Variants in SLC6A5 observed in about 807,000 individuals in gnomAD.
The protein encoded by SLC6A5 is sodium- and chloride-dependent glycine transporter 2.
SLC6A5 carries 58 observed loss-of-function variants against 90.5 expected under a neutral mutation model. The observed-to-expected ratio is 0.64, with a 90% CI of 0.52 to 0.80. The LOEUF is 0.80. Among genes scored for constraint, SLC6A5 ranks in the 30% least tolerant of loss-of-function variants. The pLI, the probability that SLC6A5 is intolerant of heterozygous loss-of-function variation, is 0.00. For synonymous variants in SLC6A5, 427 were observed against 401.4 expected (o/e 1.06, Z -0.76); for missense variants, 1,015 against 1,017.6 (o/e 1.00, Z 0.03).
Position 20,655,028 on chromosome 11 carries a change from C to G in SLC6A5, c.*160C>G, listed in dbSNP as rs149535690. ...TTATGTAGAAAAGTAGGCATAGTGT[C>G]GCATGCTGCAGTAAAGAGCTACATA... is the stretch of plus-strand genomic sequence containing the variant. On this transcript the variant is annotated 3_prime_UTR_variant, in exon 16 of 16. Transcript: ENST00000525748. 3 of 814,470 alleles carry G rather than the reference C, an allele frequency of 3.7e-6. No individual in the cohort carries two copies. The African/African-American group carries it at 5.0e-5, about 14-fold the overall frequency. The allele number at this position is 814,470 out of a possible 1,614,324, so 50.5% of individuals were successfully genotyped here. A position where few individuals can be genotyped will look rare whatever the true frequency, so the allele number is the denominator to read the frequency against.
intron 13 of SLC6A5, among the ~76,000 whole-genome samples, chr11:20,638,992 T>G (rs1462094961): frequency 4.6e-5 from 7 of 152,162 alleles, no homozygotes; most frequent in African/African-American, 1.7e-4. Context: ...CAGAGACCAC[T>G]CAGCTCACAG....
chr11:20,637,719 C>T (rs78324632), intron 12 of SLC6A5, among the ~76,000 whole-genome samples: 17,396 of 152,054 alleles, frequency 0.11, 1,062 homozygotes, highest in Non-Finnish European at 0.15. Context: ...TGGGACCCTG[C>T]CTCTAAAAAG....
intron 1 of SLC6A5, among the ~76,000 whole-genome samples, chr11:20,600,380 AG>A: frequency 6.7e-6 from 1 of 150,258 alleles, no homozygotes; most frequent in African/African-American, 2.5e-5. Context: ...AAGAAGAAGA[AG>A]AAGAAGAAGA....
chr11:20,614,531 C>A, intron 5 of SLC6A5, 148 bp from the exon 6 acceptor site: 2 of 745,120 alleles, frequency 2.7e-6, no homozygotes, highest in Non-Finnish European at 4.6e-6. Context: ...CTTAATATAT[C>A]TGGCTTTGCC....
In SLC6A5 at chr11:20,639,247, G is replaced by A. The variant is rs185033890; in HGVS notation, c.1969+689G>A. Among the ~76,000 whole-genome samples, 472 of 152,102 alleles carry A rather than the reference G, an allele frequency of 3.1e-3. 3 individuals are homozygous for A. Among genetic ancestry groups the A allele is most frequent in the African/African-American group, 0.011 (455 of 41,470 alleles). On this transcript the variant is annotated intron_variant, in intron 13 of 15. Transcript: ENST00000525748. ...CTCCTGGTCCCTTGTATGCACTGTC[G>A]GTGAGTTCAAGAAAGTCCTATTTGA...
chr11:20,647,029 A>G, intron 14 of SLC6A5, 95 bp downstream of exon 14: 1 of 881,012 alleles, frequency 1.1e-6, no homozygotes, highest in Admixed American at 1.7e-5. Flanking sequence ...ACATTTGAAC[A>G]GTGTGTGAGC....
At position 20,657,160 on chromosome 11, in the gene SLC6A5, T is replaced by C. The variant is rs984838149; in HGVS notation, c.*2292T>C. On this transcript the variant is annotated 3_prime_UTR_variant, in exon 16 of 16. Coordinates refer to ENST00000525748, the MANE Select transcript of SLC6A5 (RefSeq NM_004211.5). Reference sequence around the variant, plus strand: ...GATTGAGCCAATGGTTGCAGTCTGATGCTGGACGCCAACCCAATTTCTGCT... The same window carrying C: ...GATTGAGCCAATGGTTGCAGTCTGACGCTGGACGCCAACCCAATTTCTGCT... 3.3e-5 allele frequency: 5 copies of C among 151,322 alleles called. No homozygotes were observed. Among genetic ancestry groups the C allele is most frequent in the Non-Finnish European group, 7.4e-5 (5 of 67,980 alleles). 9.4% of individuals were successfully genotyped at this position (151,322 alleles called of 1,614,324 possible).
At chr11:20,648,609 C>G (rs1442101450) in intron 14 of SLC6A5, among the ~76,000 whole-genome samples, 1 of 152,170 alleles carries the variant, frequency 6.6e-6, no homozygotes, top group African/African-American at 2.4e-5. Flanking sequence ...CATCTGCGAA[C>G]AGACAGACTC....
intron 10 of SLC6A5, among the ~76,000 whole-genome samples, chr11:20,632,136 G>A (rs1450951635): frequency 3.9e-5 from 6 of 152,130 alleles, no homozygotes; most frequent in African/African-American, 7.2e-5. Context: ...GAGGGTAAAC[G>A]GGTTTTGTCC....
Position 20,655,302 on chromosome 11 carries a change from T to C in SLC6A5, c.*434T>C, listed in dbSNP as rs1853622816. Reference sequence around the variant, plus strand: ...GAACTGAGCAATGTGGTGATCTTGTTCAGACACACAAAGTTCAAGACAGGT... The same window carrying C: ...GAACTGAGCAATGTGGTGATCTTGTCCAGACACACAAAGTTCAAGACAGGT... On this transcript the variant is annotated 3_prime_UTR_variant, in exon 16 of 16. Coordinates refer to ENST00000525748, the MANE Select transcript of SLC6A5 (RefSeq NM_004211.5). The C allele has an allele frequency of 4.2e-6, 1 of 238,194 alleles. No individual in the cohort carries two copies. Among genetic ancestry groups the C allele is most frequent in the African/African-American group, 2.2e-5 (1 of 44,706 alleles). The allele number at this position is 238,194 out of a possible 1,614,324, so 14.8% of individuals were successfully genotyped here.
At chr11:20,604,212 G>A (rs544686898) in intron 2 of SLC6A5, 74 bp from the exon 3 acceptor site, 3 of 1,528,702 alleles carry the variant, frequency 2.0e-6, no homozygotes, top group African/African-American at 2.7e-5. Context: ...ACCCCTAGCG[G>A]GGGGGAGGGT....
chr11:20,654,299 T>G (rs1412872209), intron 15 of SLC6A5, among the ~76,000 whole-genome samples: 1 of 152,204 alleles, frequency 6.6e-6, no homozygotes, highest in Non-Finnish European at 1.5e-5. Flanking sequence ...AATCCACTGT[T>G]GAGACTACAG....
At chr11:20,621,504 ATC>A (rs1344381999) in intron 7 of SLC6A5, among the ~76,000 whole-genome samples, 2 of 152,252 alleles carry the variant, frequency 1.3e-5, no homozygotes, top group Non-Finnish European at 2.9e-5. Context: ...CTGCCAACTT[ATC>A]TCTCTGCTTC....
rs540902395 is a variant in SLC6A5, at chr11:20,601,529, G to A, written c.404G>A (p.Ser135Asn). The change falls in exon 2 of 16, where the codon AGT becomes AAT. Residue 135 changes from serine to asparagine, a missense_variant. Around this residue, in one of 3 missense-constraint regions of SLC6A5, gnomAD observed 567 missense variants for 507.3 expected, o/e 1.12. Transcript: ENST00000525748. ...GGCCCGGAGGGGGATGCGAACGTGA[G>A]TGTGGGCAAGGGCACCCTGGAGCGG... ...LRGPEGDANV[S>N]VGKGTLERNN... 8 of 1,614,054 alleles carry A rather than the reference G, an allele frequency of 5.0e-6. No homozygotes were observed. The highest frequency in any genetic ancestry group is 6.8e-6 in the Non-Finnish European group (8 of 1,179,998).
At chr11:20,634,118 C>G (rs185210678) in intron 10 of SLC6A5, among the ~76,000 whole-genome samples, 1 of 152,306 alleles carries the variant, frequency 6.6e-6, no homozygotes, top group African/African-American at 2.4e-5. Context: ...GATCTGCCCA[C>G]CTTGGCCTCC....
intron 2 of SLC6A5, among the ~76,000 whole-genome samples, chr11:20,603,391 C>A (rs180709600): frequency 1.4e-4 from 22 of 152,260 alleles, no homozygotes; most frequent in Admixed American, 2.6e-4. Flanking sequence ...TTCGTGTGAG[C>A]TTGAAGAAAT....
intron 14 of SLC6A5, among the ~76,000 whole-genome samples, chr11:20,647,454 T>C (rs1853441786): frequency 7.1e-6 from 1 of 141,596 alleles, no homozygotes; most frequent in Admixed American, 7.0e-5. Flanking sequence ...TATCAGTTCC[T>C]ATATATATTT....
At chr11:20,600,536 CGTT>C (rs1852450321) in intron 1 of SLC6A5, among the ~76,000 whole-genome samples, 1 of 152,072 alleles carries the variant, frequency 6.6e-6, no homozygotes, top group South Asian at 2.1e-4. Context: ...AGTTTATTAT[CGTT>C]GTAGGTTTTT....
intron 15 of SLC6A5, among the ~76,000 whole-genome samples, chr11:20,654,362 G>T (rs986809226): frequency 7.0e-6 from 1 of 143,568 alleles, no homozygotes. Flanking sequence ...GCAGTGAAGA[G>T]AGAAGCTTGT....
Sources: allele counts gnomAD v4.1 joint callset (sites outside exome capture counted in the v4.1 genomes callset), GRCh38; gene constraint gnomAD v4.1.1; regional missense constraint gnomAD v4.1.1; transcripts MANE v1.5; gene names NCBI Gene and HGNC (gene_info 2026-07-23, HGNC 2026-07-21).